The following TLR4 variants were observed in gnomAD, a reference collection of about 807,000 sequenced individuals.
TLR4 encodes the protein toll-like receptor 4.
TLR4 carries 17 observed loss-of-function variants against 27.4 expected under a neutral mutation model. That is an observed-to-expected ratio of 0.62 (90% confidence interval 0.42 to 0.93). TLR4 has a LOEUF of 0.93. Among genes scored for constraint, TLR4 ranks in the 40% least tolerant of loss-of-function variants. The pLI is 0.00. For missense variants in TLR4, 926 were observed against 962.3 expected (o/e 0.96, Z 0.50); for synonymous variants, 363 against 365.7 (o/e 0.99, Z 0.08).
chr9:117,714,337 G>A lies in TLR4; in HGVS notation c.2209G>A (p.Val737Met). The A allele has an allele frequency of 6.3e-7, 1 of 1,599,456 alleles. No individual in the cohort carries two copies. The highest frequency in any genetic ancestry group is 8.6e-7 in the Non-Finnish European group (1 of 1,168,284). ...FHKSRKVIVV[V>M]SQHFIQSRWC... ...TAAAAGCCGAAAGGTGATTGTTGTG[G>A]TGTCCCAGCACTTCATCCAGAGCCG... The change falls in exon 3 of 3, where the codon GTG becomes ATG. Residue 737 changes from valine to methionine, a missense_variant. By Grantham distance (21) the Val-to-Met change is conservative. Coordinates refer to ENST00000355622, the MANE Select transcript of TLR4 (RefSeq NM_138554.5).
At chr9:117,708,264 G>T (rs1181875103) in intron 1 of TLR4, 1 of 1,163,974 alleles carries the variant, frequency 8.6e-7, no homozygotes, top group Non-Finnish European at 1.1e-6. Context: ...CGGAGCCTCA[G>T]CCCTTCACCC....
Position 117,705,954 on chromosome 9 carries a change from A to G in TLR4, c.93+1389A>G, listed in dbSNP as rs551622202. On this transcript the variant is annotated intron_variant, in intron 1 of 2. Transcript: ENST00000355622. ...CATATGTACTTTTAAAGTTTTTAGT[A>G]GCCTCATTAAAAAAAGAAACAAGTG... is the stretch of plus-strand genomic sequence containing the variant. 1.3e-4 allele frequency among the ~76,000 whole-genome samples: 20 copies of G among 151,798 alleles called. No homozygotes were observed. In the South Asian group the frequency reaches 4.2e-3, roughly 32 times the overall value.
In TLR4 at chr9:117,705,122, AAGAG is replaced by A. The variant is rs111996409; in HGVS notation, c.93+569_93+572del. On this transcript the variant is annotated intron_variant, in intron 1 of 2. Coordinates refer to ENST00000355622, the MANE Select transcript of TLR4 (RefSeq NM_138554.5). ...AAAAAATAAGAGAATGAAAAAGGAA[AAGAG>A]AGAGAGAGAGAAGAAAAAAGCAAGA... Among the ~76,000 whole-genome samples, 966 of 151,884 alleles carry A rather than the reference AAGAG, an allele frequency of 6.4e-3. 17 individuals carry two copies. The highest frequency in any genetic ancestry group is 0.019 in the African/African-American group (770 of 41,406).
In TLR4 at chr9:117,715,980, A is replaced by T. The variant is rs1272301445; in HGVS notation, c.*1332A>T. 2 of 152,140 alleles carry T rather than the reference A, an allele frequency of 1.3e-5. No individual in the cohort carries two copies. Among genetic ancestry groups the T allele is most frequent in the Non-Finnish European group, 1.5e-5 (1 of 68,030 alleles). The allele number at this position is 152,140 out of a possible 1,614,324, so 9.4% of individuals were successfully genotyped here. A position where few individuals can be genotyped will look rare whatever the true frequency, so the allele number is the denominator to read the frequency against. On this transcript the variant is annotated 3_prime_UTR_variant, in exon 3 of 3. Coordinates refer to ENST00000355622, the MANE Select transcript of TLR4 (RefSeq NM_138554.5). ...AACATTCAAGAAAAGGACAATCAGG[A>T]TGTCATCAGGGAAATGAAAATAAAA...
In TLR4 at chr9:117,714,039, G is replaced by A. The variant is rs952650792; in HGVS notation, c.1911G>A (p.Ser637=). The change falls in exon 3 of 3, where the codon TCG becomes TCA. Residue 637 remains serine (S), a synonymous_variant. Transcript: ENST00000355622. The stretch of plus-strand genomic sequence containing the variant: ...TGAATAAGACCATCATTGGTGTGTC[G>A]GTCCTCAGTGTGCTTGTAGTATCTG... ...CQMNKTIIGV[S]VLSVLVVSVV... is the part of the protein sequence containing the mutation. The A allele has an allele frequency of 1.5e-5, 24 of 1,613,846 alleles. No homozygotes were observed. Among genetic ancestry groups the A allele is most frequent in the African/African-American group, 6.7e-5 (5 of 75,018 alleles).
At chr9:117,710,199 C>T (rs936812896) in intron 2 of TLR4, among the ~76,000 whole-genome samples, 17 of 151,998 alleles carry the variant, frequency 1.1e-4, no homozygotes, top group African/African-American at 2.7e-4. Flanking sequence ...GTTAGTTTTT[C>T]AACCCTTGCT....
rs1018541711 is a variant in TLR4 at position 117,714,699 on chromosome 9, C to T, written c.*51C>T. 1 of 1,509,624 alleles carries T rather than the reference C, an allele frequency of 6.6e-7. No homozygotes were observed. Among genetic ancestry groups the T allele is most frequent in the Non-Finnish European group, 9.2e-7 (1 of 1,091,012 alleles). 93.5% of individuals were successfully genotyped at this position (1,509,624 alleles called of 1,614,324 possible). ...GCATTTCTTGCCCAGCTGGGTCCAA[C>T]ACTTGTTCAGTTAATAAGTATTAAA... On this transcript the variant is annotated 3_prime_UTR_variant, in exon 3 of 3. Coordinates refer to ENST00000355622, the MANE Select transcript of TLR4 (RefSeq NM_138554.5).
chr9:117,704,610 C>T, intron 1 of TLR4, 45 bp downstream of exon 1: 4 of 1,529,894 alleles, frequency 2.6e-6, no homozygotes, highest in Non-Finnish European at 3.6e-6. Flanking sequence ...CTCACTTCTG[C>T]CCAGAACTTC....
In TLR4 at chr9:117,712,976, T is replaced by C. The variant is rs201836189; in HGVS notation, c.848T>C (p.Leu283Ser). 6.2e-6 allele frequency: 10 copies of C among 1,613,974 alleles called. No individual in the cohort carries two copies. Among genetic ancestry groups the C allele is most frequent in the Middle Eastern group, 1.6e-4 (1 of 6,080 alleles). Reference protein sequence around the residue: ...DKSALEGLCNLTIEEFRLAYL... With the variant: ...DKSALEGLCNSTIEEFRLAYL... ...TCTGCTCTAGAGGGCCTGTGCAATT[T>C]GACCATTGAAGAATTCCGATTAGCA... Residue 283 changes from leucine to serine, a missense_variant, in exon 3 of 3, where the codon TTG becomes TCG. Coordinates refer to ENST00000355622, the MANE Select transcript of TLR4 (RefSeq NM_138554.5).
rs1829427752 is a variant in TLR4 at position 117,721,967 on chromosome 9, A to G, written c.*7319A>G. ...ATTTGATGGTGAGCTCACTACATCC[A>G]TTTAGATGTTGTGTCCATGCAATCA... On this transcript the variant is annotated 3_prime_UTR_variant, in exon 3 of 3. Coordinates refer to ENST00000355622, the MANE Select transcript of TLR4 (RefSeq NM_138554.5). 6.6e-6 allele frequency: 1 copy of G among 152,196 alleles called. No individual in the cohort carries two copies. The highest frequency in any genetic ancestry group is 1.5e-5 in the Non-Finnish European group (1 of 68,038). The allele number at this position is 152,196 out of a possible 1,614,324, so 9.4% of individuals were successfully genotyped here. A position where few individuals can be genotyped will look rare whatever the true frequency, so the allele number is the denominator to read the frequency against.
chr9:117,706,110 G>A (rs1927913), intron 1 of TLR4, among the ~76,000 whole-genome samples: 150,612 of 152,286 alleles, frequency 0.99, 74,502 homozygotes, highest in East Asian at 1. Context: ...TTTAGTATAT[G>A]TTTTACATTT....
chr9:117,714,513 G>A lies in TLR4; in HGVS notation c.2385G>A (p.Leu795=). 1 of 1,613,900 alleles carries A rather than the reference G, an allele frequency of 6.2e-7. No homozygotes were observed. The highest frequency in any genetic ancestry group is 8.5e-7 in the Non-Finnish European group (1 of 1,179,992). The part of the protein sequence containing the change: ...LYRLLSRNTY[L]EWEDSVLGRH... The stretch of plus-strand genomic sequence containing the variant: ...GCCTTCTCAGCAGGAACACTTACCT[G>A]GAGTGGGAGGACAGTGTCCTGGGGC... The change falls in exon 3 of 3, where the codon CTG becomes CTA. Residue 795 remains leucine, a synonymous_variant. Transcript: ENST00000355622.
chr9:117,715,337 T>C lies in TLR4; in HGVS notation c.*689T>C, dbSNP rs199947607. The C allele has an allele frequency of 6.6e-6, 1 of 152,304 alleles. No individual in the cohort carries two copies. Among genetic ancestry groups the C allele is most frequent in the Non-Finnish European group, 1.5e-5 (1 of 68,148 alleles). 9.4% of individuals were successfully genotyped at this position (152,304 alleles called of 1,614,324 possible). ...CTATAAGCTAATATCATAAATAAGG[T>C]TGTTTAAGACGTGCTTCAAATATCC... On this transcript the variant is annotated 3_prime_UTR_variant, in exon 3 of 3. Coordinates refer to ENST00000355622, the MANE Select transcript of TLR4 (RefSeq NM_138554.5).
intron 2 of TLR4, among the ~76,000 whole-genome samples, chr9:117,710,516 C>G (rs1321376885): frequency 6.6e-6 from 1 of 151,108 alleles, no homozygotes; most frequent in African/African-American, 2.4e-5. Context: ...AATTCATCTT[C>G]AATCCACTGG....
rs1829457143 is a variant in TLR4 at position 117,724,548 on chromosome 9, G to T, written c.*9900G>T. 1 of 152,028 alleles carries T rather than the reference G, an allele frequency of 6.6e-6. No homozygotes were observed. The allele number at this position is 152,028 out of a possible 1,614,324, so 9.4% of individuals were successfully genotyped here. On this transcript the variant is annotated 3_prime_UTR_variant, in exon 3 of 3. Transcript: ENST00000355622. ...CGCTTCTGCATGTGACCATTAATGT[G>T]CCTGTCTTTCTTCTCATGTATTAGA...
intron 2 of TLR4, 146 bp from the exon 3 acceptor site, chr9:117,712,243 A>T: frequency 5.0e-6 from 4 of 792,450 alleles, no homozygotes; most frequent in Non-Finnish European, 8.3e-6. Context: ...TTCCATCATC[A>T]TCTGTCCTGC....
rs1284223389 is a variant in TLR4, at chr9:117,723,850, A to C, written c.*9202A>C. 6.6e-6 allele frequency: 1 copy of C among 152,236 alleles called. No homozygotes were observed. The allele number at this position is 152,236 out of a possible 1,614,324, so 9.4% of individuals were successfully genotyped here. A position where few individuals can be genotyped will look rare whatever the true frequency, so the allele number is the denominator to read the frequency against. ...GCAATTATTCTTTCTTCTTTCCCAT[A>C]CTTGACATTTAAAGTGATATCTCCC... On this transcript the variant is annotated 3_prime_UTR_variant, in exon 3 of 3. Coordinates refer to ENST00000355622, the MANE Select transcript of TLR4 (RefSeq NM_138554.5).
intron 2 of TLR4, among the ~76,000 whole-genome samples, chr9:117,709,940 A>C (rs1428553007): frequency 2.0e-5 from 3 of 152,060 alleles, no homozygotes; most frequent in African/African-American, 7.2e-5. Flanking sequence ...TTCATATCTG[A>C]TCAATGGAAA....
chr9:117,711,963 G>A (rs754282091), intron 2 of TLR4, among the ~76,000 whole-genome samples: 14 of 151,998 alleles, frequency 9.2e-5, no homozygotes, highest in Non-Finnish European at 1.8e-4. Context: ...CATTTATCTT[G>A]GCTACCAACT....
Sources: allele counts gnomAD v4.1 joint callset (sites outside exome capture counted in the v4.1 genomes callset), GRCh38; gene constraint gnomAD v4.1.1; transcripts MANE v1.5; gene names NCBI Gene and HGNC (gene_info 2026-07-23, HGNC 2026-07-21).